The following ANKFN1 variants were observed in gnomAD, a reference collection of about 807,000 sequenced individuals.
The protein encoded by ANKFN1 is ankyrin repeat and fibronectin type III domain containing 1.
ANKFN1 carries 74 observed loss-of-function variants against 108.7 expected under a neutral mutation model. The ratio of observed to expected loss-of-function variants is 0.68; its 90% CI spans 0.56 to 0.83. The LOEUF is 0.83. Among genes scored for constraint, ANKFN1 ranks in the 40% least tolerant of loss-of-function variants. ANKFN1 has a pLI of 0.00. For missense variants in ANKFN1, 1,505 were observed against 1,382.3 expected (o/e 1.09, Z -1.41); for synonymous variants, 547 against 516.2 (o/e 1.06, Z -0.81).
chr17:56,262,685 T>A (rs989766881), intron 3 of ANKFN1, among the ~76,000 whole-genome samples: 1 of 152,156 alleles, frequency 6.6e-6, no homozygotes, highest in Non-Finnish European at 1.5e-5. Context: ...AGAACGATCA[T>A]CTTGAGACAG....
At position 56,393,376 on chromosome 17, in the gene ANKFN1, T is replaced by C. The variant is rs189301076; in HGVS notation, c.910+18662T>C. Among the ~76,000 whole-genome samples the C allele has an allele frequency of 7.8e-4, 119 of 152,238 alleles. 1 individual carries two copies. The South Asian group carries it at 0.013, about 17-fold the overall frequency. ...CTCACTGGCCCCCACCTCCCACCCATACAGAACCAGCCACTTACATCCTCT... is the reference window on the plus strand; with the variant it reads ...CTCACTGGCCCCCACCTCCCACCCACACAGAACCAGCCACTTACATCCTCT... On this transcript the variant is annotated intron_variant, in intron 8 of 20. Coordinates refer to ENST00000682825, the MANE Select transcript of ANKFN1 (RefSeq NM_001370326.1).
intron 3 of ANKFN1, among the ~76,000 whole-genome samples, chr17:56,281,194 T>C (rs2044073499): frequency 6.6e-6 from 1 of 152,194 alleles, no homozygotes; most frequent in East Asian, 1.9e-4. Context: ...AGATATATAG[T>C]ATTAGTGTAA....
In ANKFN1 at chr17:56,404,557, T is replaced by C. The variant is rs1036507005; in HGVS notation, c.910+29843T>C. 7.2e-5 allele frequency among the ~76,000 whole-genome samples: 11 copies of C among 152,338 alleles called. 1 individual carries two copies. Among genetic ancestry groups the C allele is most frequent in the African/African-American group, 2.4e-4 (10 of 41,572 alleles). ...TCTATGTCCTTGAATATTTTTCCCT[T>C]CACTTCTTGTACCACCTTTTGGATT... On this transcript the variant is annotated intron_variant, in intron 8 of 20. Transcript: ENST00000682825.
Position 56,486,294 on chromosome 17 carries a change from C to T in ANKFN1, c.2260+3770C>T, listed in dbSNP as rs1017191333. Among the ~76,000 whole-genome samples, 12 of 152,160 alleles carry T rather than the reference C, an allele frequency of 7.9e-5. 1 individual carries two copies. Among genetic ancestry groups the T allele is most frequent in the Admixed American group, 3.3e-4 (5 of 15,272 alleles). ...CCAGAAAAGACCACTTGGTTGGGCT[C>T]GGTTCCATTGGCATAAACAATTCTA... On this transcript the variant is annotated intron_variant, in intron 18 of 20. Transcript: ENST00000682825.
At chr17:56,139,277 C>T (rs541638196) in intron 4 of ANKFN1, among the ~76,000 whole-genome samples, 13 of 152,248 alleles carry the variant, frequency 8.5e-5, no homozygotes, top group Middle Eastern at 3.4e-3. Context: ...AGGTTAACTT[C>T]ATTTGCCTTT....
At chr17:56,493,059 T>C (rs1410582917) in intron 19 of ANKFN1, among the ~76,000 whole-genome samples, 1 of 152,126 alleles carries the variant, frequency 6.6e-6, no homozygotes, top group Non-Finnish European at 1.5e-5. Flanking sequence ...ATGATAAATA[T>C]CACTATGATA....
intron 4 of ANKFN1, among the ~76,000 whole-genome samples, chr17:56,144,806 A>G (rs11871044): frequency 0.59 from 89,947 of 152,060 alleles, 27,181 homozygotes; most frequent in East Asian, 0.81. Context: ...TCTGAGGCAC[A>G]AATCCCTGAA....
chr17:56,384,319 G>A (rs1464717485), intron 8 of ANKFN1, among the ~76,000 whole-genome samples: 2 of 152,042 alleles, frequency 1.3e-5, no homozygotes, highest in African/African-American at 4.8e-5. Context: ...GGTATTGATG[G>A]GACGTATCTC....
chr17:56,333,953 G>T (rs950907971), intron 4 of ANKFN1, among the ~76,000 whole-genome samples: 4 of 151,964 alleles, frequency 2.6e-5, no homozygotes, highest in Admixed American at 2.6e-4. Flanking sequence ...CCTCTCTTTG[G>T]AACTCGGGTC....
intron 4 of ANKFN1, among the ~76,000 whole-genome samples, chr17:56,338,103 C>T (rs1374076823): frequency 1.3e-5 from 2 of 152,160 alleles, no homozygotes; most frequent in African/African-American, 4.8e-5. Context: ...CACATATACA[C>T]ATGGAACACT....
intron 3 of ANKFN1, among the ~76,000 whole-genome samples, chr17:56,322,533 TC>T (rs1216676177): frequency 1.3e-5 from 2 of 152,174 alleles, no homozygotes; most frequent in African/African-American, 4.8e-5. Context: ...CCAATTTAGC[TC>T]CTGCTTACTT....
At chr17:56,262,568 T>A (rs897858308) in intron 3 of ANKFN1, among the ~76,000 whole-genome samples, 1 of 152,094 alleles carries the variant, frequency 6.6e-6, no homozygotes, top group African/African-American at 2.4e-5. Context: ...TTCCTGCATG[T>A]TTTTTTATCA....
chr17:56,410,924 A>C (rs1170130667), intron 8 of ANKFN1, among the ~76,000 whole-genome samples: 2 of 152,168 alleles, frequency 1.3e-5, no homozygotes, highest in Non-Finnish European at 2.9e-5. Context: ...TGATTACAAT[A>C]GCTTTATAAT....
rs770234541 is a variant in ANKFN1 at position 56,440,420 on chromosome 17, C to G, written c.1004C>G (p.Thr335Arg). Residue 335 changes from threonine (T) to arginine (R), a missense_variant, in exon 9 of 21, where the codon ACA (threonine) becomes AGA (arginine). Transcript: ENST00000682825. ...QTLRCTITGL[T>R]MGQQYFVQVS... The stretch of plus-strand genomic sequence containing the variant: ...CTGAGATGCACAATCACAGGACTTA[C>G]AATGGTAAATGTCCCCAGTAGACTT... The G allele has an allele frequency of 6.8e-6, 11 of 1,608,542 alleles. No individual in the cohort carries two copies. In the East Asian group the frequency reaches 2.5e-4, roughly 36 times the overall value.
chr17:56,490,106 T>C (rs1365797142), intron 18 of ANKFN1, among the ~76,000 whole-genome samples: 1 of 152,216 alleles, frequency 6.6e-6, no homozygotes, highest in Non-Finnish European at 1.5e-5. Flanking sequence ...ATGTTCCATG[T>C]TTCAAGGACA....
intron 19 of ANKFN1, among the ~76,000 whole-genome samples, chr17:56,492,652 A>G (rs1434200127): frequency 6.6e-6 from 1 of 152,212 alleles, no homozygotes; most frequent in East Asian, 1.9e-4. Context: ...TAACTAGAAT[A>G]TTATTCTTAC....
At chr17:56,508,444 C>T (rs941270469) in intron 20 of ANKFN1, among the ~76,000 whole-genome samples, 1 of 152,078 alleles carries the variant, frequency 6.6e-6, no homozygotes, top group Non-Finnish European at 1.5e-5. Context: ...TCCCATGCAC[C>T]CTTCCTCCAG....
At chr17:56,076,348 G>T (rs1422159010) in intron 4 of ANKFN1, among the ~76,000 whole-genome samples, 2 of 152,092 alleles carry the variant, frequency 1.3e-5, no homozygotes, top group African/African-American at 4.8e-5. Flanking sequence ...TTCACATTTT[G>T]GAAGCACATT....
chr17:56,428,209 G>A (rs1475104615), intron 8 of ANKFN1, among the ~76,000 whole-genome samples: 2 of 151,418 alleles, frequency 1.3e-5, no homozygotes, highest in Non-Finnish European at 2.9e-5. Flanking sequence ...ACTCCAGCCT[G>A]GGCAACAAGA....
Sources: allele counts gnomAD v4.1 joint callset (sites outside exome capture counted in the v4.1 genomes callset), GRCh38; gene constraint gnomAD v4.1.1; transcripts MANE v1.5; gene names NCBI Gene and HGNC (gene_info 2026-07-23, HGNC 2026-07-21).